The following CIMIP6 variants were observed in gnomAD, a reference collection of about 807,000 sequenced individuals.
CIMIP6 encodes ciliary microtubule inner protein 6.
At chr2:54,350,939 C>A in the CIMIP6 span, among the ~76,000 whole-genome samples, 1 of 152,272 alleles carries the variant, frequency 6.6e-6, no homozygotes, top group East Asian at 1.9e-4. Context: ...AGTTCAAATT[C>A]TTTGAGGGTA....
chr2:54,334,813 T>C, the CIMIP6 span: 2 of 1,528,964 alleles, frequency 1.3e-6, no homozygotes, highest in Admixed American at 4.0e-5. Flanking sequence ...TTTATGTTTT[T>C]CAGACAGCAT....
the CIMIP6 span, among the ~76,000 whole-genome samples, chr2:54,352,590 C>A: frequency 6.6e-6 from 1 of 152,096 alleles, no homozygotes; most frequent in African/African-American, 2.4e-5. Context: ...TAGCAATTTT[C>A]AAGAGTACAA....
chr2:54,372,693 G>C, the CIMIP6 span, among the ~76,000 whole-genome samples: 3 of 152,168 alleles, frequency 2.0e-5, no homozygotes, highest in Non-Finnish European at 2.9e-5. Flanking sequence ...AGTCATCTTG[G>C]AAGTGGCCCT....
chr2:54,368,316 G>A, the CIMIP6 span, among the ~76,000 whole-genome samples: 1 of 151,676 alleles, frequency 6.6e-6, no homozygotes, highest in Admixed American at 6.5e-5. Flanking sequence ...AGCCTATGAT[G>A]TCTGGTATAC....
At chr2:54,335,404 G>C in the CIMIP6 span, among the ~76,000 whole-genome samples, 1 of 152,112 alleles carries the variant, frequency 6.6e-6, no homozygotes. Flanking sequence ...GAAGTTCTAG[G>C]AATGAGCTAA....
At chr2:54,375,877 A>G in the CIMIP6 span, among the ~76,000 whole-genome samples, 6 of 114,812 alleles carry the variant, frequency 5.2e-5, no homozygotes, top group Non-Finnish European at 8.7e-5. Flanking sequence ...TTTTCAAATC[A>G]TATAGGGGGT....
At chr2:54,358,079 A>C in the CIMIP6 span, among the ~76,000 whole-genome samples, 3 of 152,228 alleles carry the variant, frequency 2.0e-5, no homozygotes, top group Non-Finnish European at 4.4e-5. Flanking sequence ...TAATGAACTC[A>C]TATACTCATC....
the CIMIP6 span, chr2:54,360,485 G>T: frequency 1.9e-6 from 3 of 1,574,312 alleles, no homozygotes; most frequent in Admixed American, 1.9e-5. Context: ...GACCTCAGGC[G>T]CCACTCAAAC....
the CIMIP6 span, among the ~76,000 whole-genome samples, chr2:54,374,636 C>A: frequency 6.6e-6 from 1 of 152,268 alleles, no homozygotes; most frequent in South Asian, 2.1e-4. Flanking sequence ...GCACATTATC[C>A]AAAATGGGTA....
At chr2:54,369,441 G>C in the CIMIP6 span, among the ~76,000 whole-genome samples, 1 of 152,128 alleles carries the variant, frequency 6.6e-6, no homozygotes. Flanking sequence ...AGTCCATGAA[G>C]CAAGAACAAT....
At chr2:54,334,778 G>A in the CIMIP6 span, 1 of 1,329,796 alleles carries the variant, frequency 7.5e-7, no homozygotes, top group Non-Finnish European at 1.0e-6. Context: ...ATATTTTAAT[G>A]GTTACTGGGG....
the CIMIP6 span, among the ~76,000 whole-genome samples, chr2:54,351,969 C>G: frequency 2.0e-5 from 3 of 151,316 alleles, no homozygotes; most frequent in Non-Finnish European, 4.4e-5. Context: ...ACCTATGGAG[C>G]AGCCCTGTTC....
At chr2:54,369,332 C>G in the CIMIP6 span, among the ~76,000 whole-genome samples, 2 of 152,088 alleles carry the variant, frequency 1.3e-5, no homozygotes, top group African/African-American at 4.8e-5. Context: ...CTTTACATCA[C>G]TGGGGAGACA....
At chr2:54,370,937 T>G in the CIMIP6 span, among the ~76,000 whole-genome samples, 3 of 152,202 alleles carry the variant, frequency 2.0e-5, no homozygotes, top group South Asian at 6.2e-4. Context: ...TTTTCAAAGA[T>G]TCCTTAGATG....
the CIMIP6 span, among the ~76,000 whole-genome samples, chr2:54,370,758 G>A: frequency 6.6e-6 from 1 of 152,198 alleles, no homozygotes; most frequent in South Asian, 2.1e-4. Flanking sequence ...GACCCACCAA[G>A]GCCAGGATAG....
the CIMIP6 span, among the ~76,000 whole-genome samples, chr2:54,376,197 G>C: frequency 6.9e-6 from 1 of 144,372 alleles, no homozygotes; most frequent in Non-Finnish European, 1.5e-5. Flanking sequence ...CACCATGCCT[G>C]GCTGATTTCT....
At chr2:54,335,064 T>G in the CIMIP6 span, 21 of 1,475,080 alleles carry the variant, frequency 1.4e-5, no homozygotes, top group Non-Finnish European at 1.7e-5. Flanking sequence ...GAGATTTAGA[T>G]TCAGATGCTG....
chr2:54,365,771 G>A, the CIMIP6 span, among the ~76,000 whole-genome samples: 1 of 152,066 alleles, frequency 6.6e-6, no homozygotes, highest in Admixed American at 6.6e-5. Context: ...ATAAAAATAG[G>A]CACATTTGGG....
chr2:54,346,999 C>T, the CIMIP6 span, among the ~76,000 whole-genome samples: 1 of 152,172 alleles, frequency 6.6e-6, no homozygotes, highest in African/African-American at 2.4e-5. Flanking sequence ...TAACTCAGAC[C>T]AAGGAGGTAG....
Sources: gnomAD v4.1 joint callset for allele counts (sites outside exome capture counted in the v4.1 genomes callset) on GRCh38, gnomAD v4.1.1 for gene constraint, MANE v1.5 for transcripts, NCBI Gene and HGNC (gene_info 2026-07-23, HGNC 2026-07-21) for gene names.